The following WDPCP variants were observed in gnomAD, a reference collection of about 807,000 sequenced individuals.
WDPCP encodes the protein WD repeat containing planar cell polarity effector, also known as WD repeat-containing and planar cell polarity effector protein fritz homolog.
In WDPCP, 71 loss-of-function variants were observed where a neutral mutation model predicts 93.1. That is an observed-to-expected ratio of 0.76 (90% CI 0.63 to 0.93). WDPCP has a LOEUF of 0.93. WDPCP is among the 40% of genes least tolerant of loss of function. The pLI, the probability that WDPCP is intolerant of heterozygous loss-of-function variation, is 0.00. For synonymous variants in WDPCP, 315 were observed against 315.0 expected (o/e 1.00, Z 0.00); for missense variants, 844 against 887.4 (o/e 0.95, Z 0.62).
chr2:63,771,313 T>G (rs1443989631), intron 2 of WDPCP, among the ~76,000 whole-genome samples: 1 of 151,812 alleles, frequency 6.6e-6, no homozygotes, highest in Non-Finnish European at 1.5e-5. Context: ...GATAAATTCC[T>G]AACAATATAA....
chr2:63,323,677 T>C (rs1390836923), intron 12 of WDPCP, among the ~76,000 whole-genome samples: 1 of 152,120 alleles, frequency 6.6e-6, no homozygotes, highest in African/African-American at 2.4e-5. Context: ...AGGACTCTAA[T>C]GGGTTTTCGA....
At chr2:63,137,930 A>G (rs889986279) in intron 17 of WDPCP, among the ~76,000 whole-genome samples, 2 of 152,046 alleles carry the variant, frequency 1.3e-5, no homozygotes, top group African/African-American at 4.8e-5. Flanking sequence ...GTTTTTGTAC[A>G]GGTACCATGC....
chr2:63,689,669 G>A (rs1338165440), intron 2 of WDPCP, among the ~76,000 whole-genome samples: 1 of 152,090 alleles, frequency 6.6e-6, no homozygotes, highest in Non-Finnish European at 1.5e-5. Context: ...CTGATGCCTA[G>A]TTTCTTAATT....
Position 63,575,420 on chromosome 2 carries a change from T to G in WDPCP, c.75+12777A>C, listed in dbSNP as rs374418687. Among the ~76,000 whole-genome samples, 35 of 98,366 alleles carry G rather than the reference T, an allele frequency of 3.6e-4. 3 individuals carry two copies. Among genetic ancestry groups the G allele is most frequent in the East Asian group, 1.6e-3 (5 of 3,076 alleles). 64.5% of individuals were successfully genotyped at this position (98,366 alleles called of 152,430 possible). On this transcript the variant is annotated intron_variant, in intron 1 of 17. Coordinates refer to ENST00000272321, the MANE Select transcript of WDPCP (RefSeq NM_015910.7). ...TACAGTATATATACAGTATATACAC[T>G]GTATACAGTGTATATACAGTGTATA...
upstream of WDPCP, chr2:63,593,413 T>A (rs766653892): frequency 4.6e-4 from 80 of 175,620 alleles, no homozygotes; most frequent in Non-Finnish European, 8.1e-4. Context: ...TTTTTTGAAA[T>A]TTTTTTTTTT....
chr2:63,594,174 C>G (rs1363554767), intron 3 of WDPCP: 59 of 495,650 alleles, frequency 1.2e-4, no homozygotes. Flanking sequence ...CTAGTGGCTG[C>G]CAGGGTTTGG....
intron 14 of WDPCP, among the ~76,000 whole-genome samples, chr2:63,211,657 TAAC>T (rs1043911976): frequency 3.3e-5 from 5 of 151,946 alleles, no homozygotes; most frequent in Non-Finnish European, 2.9e-5. Flanking sequence ...AAATCGGTAA[TAAC>T]AAACTTCTCT....
chr2:63,511,891 G>A (rs1015396710), intron 1 of WDPCP, among the ~76,000 whole-genome samples: 2 of 152,180 alleles, frequency 1.3e-5, no homozygotes, highest in African/African-American at 4.8e-5. Flanking sequence ...AGTCAAAATT[G>A]ACAAATGGGA....
chr2:63,211,446 A>G (rs1676793073), intron 14 of WDPCP, among the ~76,000 whole-genome samples: 1 of 152,206 alleles, frequency 6.6e-6, no homozygotes, highest in Non-Finnish European at 1.5e-5. Context: ...CATCCACACC[A>G]AAACCCCATT....
chr2:63,507,646 G>C (rs1448527539), intron 1 of WDPCP, among the ~76,000 whole-genome samples: 1 of 151,892 alleles, frequency 6.6e-6, no homozygotes, highest in African/African-American at 2.4e-5. Context: ...CGAGCTAAAG[G>C]GGCATGTTCT....
chr2:63,506,576 G>A (rs1029356625), intron 1 of WDPCP, among the ~76,000 whole-genome samples: 5 of 152,042 alleles, frequency 3.3e-5, no homozygotes, highest in Admixed American at 2.0e-4. Context: ...TACCAATGGC[G>A]GGGTGGAGGA....
At chr2:63,703,061 T>C (rs551925357) in intron 2 of WDPCP, among the ~76,000 whole-genome samples, 1 of 152,334 alleles carries the variant, frequency 6.6e-6, no homozygotes, top group South Asian at 2.1e-4. Flanking sequence ...TCATCATTTT[T>C]TATGGCTGCA....
chr2:63,576,196 C>T (rs1376655910), intron 1 of WDPCP, among the ~76,000 whole-genome samples: 20 of 152,122 alleles, frequency 1.3e-4, no homozygotes, highest in Admixed American at 6.6e-4. Flanking sequence ...GAGATAACAT[C>T]GGATCCCACA....
chr2:63,520,703 G>A lies in WDPCP; in HGVS notation c.76-27763C>T, dbSNP rs189366389. Among the ~76,000 whole-genome samples, 292 of 152,026 alleles carry A rather than the reference G, an allele frequency of 1.9e-3. 1 individual carries two copies. The highest frequency in any genetic ancestry group is 7.0e-3 in the African/African-American group (290 of 41,470). Reference sequence around the variant, plus strand: ...GCCCAGGAGTTTGAGACCAGCCTGGGCAACATGGCAAAATCCCATCTCTAC... The same window carrying A: ...GCCCAGGAGTTTGAGACCAGCCTGGACAACATGGCAAAATCCCATCTCTAC... On this transcript the variant is annotated intron_variant, in intron 1 of 17. Coordinates refer to ENST00000272321, the MANE Select transcript of WDPCP (RefSeq NM_015910.7).
At chr2:63,314,420 T>G (rs952446129) in intron 12 of WDPCP, among the ~76,000 whole-genome samples, 6 of 152,152 alleles carry the variant, frequency 3.9e-5, no homozygotes, top group Admixed American at 3.9e-4. Context: ...ACCACCCACT[T>G]CAGCGTCCCA....
At chr2:63,717,203 G>C (rs1003907343) in intron 2 of WDPCP, 3 of 481,946 alleles carry the variant, frequency 6.2e-6, no homozygotes, top group Non-Finnish European at 1.2e-5. Context: ...CAGCATGCCA[G>C]TGCTTCCTCC....
chr2:63,724,830 C>T (rs752424893), intron 2 of WDPCP, among the ~76,000 whole-genome samples: 2 of 152,170 alleles, frequency 1.3e-5, no homozygotes, highest in Non-Finnish European at 2.9e-5. Context: ...TCCTGAAAAG[C>T]CCACCTCTGC....
chr2:63,142,503 T>G (rs972906112), intron 17 of WDPCP, among the ~76,000 whole-genome samples: 2 of 152,240 alleles, frequency 1.3e-5, no homozygotes, highest in African/African-American at 2.4e-5. Flanking sequence ...GAGAGCGTGC[T>G]TGATATAATT....
chr2:63,606,931 G>A (rs780332698), intron 3 of WDPCP: 3 of 1,612,878 alleles, frequency 1.9e-6, no homozygotes, highest in Non-Finnish European at 2.5e-6. Flanking sequence ...GGATCTTACT[G>A]CAAAGGAACT....
Sources: allele counts gnomAD v4.1 joint callset (sites outside exome capture counted in the v4.1 genomes callset), GRCh38; gene constraint gnomAD v4.1.1; transcripts MANE v1.5; gene names NCBI Gene and HGNC (gene_info 2026-07-23, HGNC 2026-07-21).